Variants in CDH19 observed in about 807,000 individuals in gnomAD.
The protein encoded by CDH19 is cadherin 19, also known as cadherin-19.
CDH19 carries 67 observed loss-of-function variants against 64.2 expected under a neutral mutation model. That is an observed-to-expected ratio of 1.04 (90% CI 0.86 to 1.28). CDH19 has a LOEUF of 1.28. Among genes scored for constraint, CDH19 ranks in the 50% most tolerant of loss-of-function variants. The pLI, the probability that CDH19 is intolerant of heterozygous loss-of-function variation, is 0.00. For synonymous variants in CDH19, 346 were observed against 319.3 expected, an observed-to-expected ratio of 1.08 and a Z score of -0.89; for missense variants, 1,030 against 929.0, an observed-to-expected ratio of 1.11 and a Z score of -1.41.
At chr18:66,551,829 A>C (rs1388966060) in intron 4 of CDH19, among the ~76,000 whole-genome samples, 1 of 151,996 alleles carries the variant, frequency 6.6e-6, no homozygotes, top group Admixed American at 6.6e-5. Flanking sequence ...AAATTCTATA[A>C]AATTATTTAA....
rs201628962 is a variant in CDH19, at chr18:66,524,536, T to TTGTG, written c.1458+5305_1458+5308dup. On this transcript the variant is annotated intron_variant, in intron 9 of 11. Transcript: ENST00000262150. ...CATTTCACAATATATGCGTGTATGT[T>TTGTG]TGTGTGTATATATATATATATATAT... Among the ~76,000 whole-genome samples, 230 of 82,290 alleles carry TTGTG rather than the reference T, an allele frequency of 2.8e-3. 3 individuals carry two copies. The highest frequency in any genetic ancestry group is 9.4e-3 in the South Asian group (20 of 2,130). The allele number at this position is 82,290 out of a possible 152,430, so 54.0% of individuals were successfully genotyped here. A position where few individuals can be genotyped will look rare whatever the true frequency, so the allele number is the denominator to read the frequency against.
At chr18:66,588,618 A>C (rs1417120129) in intron 1 of CDH19, among the ~76,000 whole-genome samples, 5 of 133,596 alleles carry the variant, frequency 3.7e-5, no homozygotes, top group African/African-American at 1.3e-4. Context: ...ATATATCTAT[A>C]TCTATATCTA....
chr18:66,561,485 T>A (rs942039213), intron 3 of CDH19, among the ~76,000 whole-genome samples: 1 of 152,234 alleles, frequency 6.6e-6, no homozygotes, highest in Admixed American at 6.6e-5. Context: ...CACCATCCAG[T>A]AAGCAGAATT....
At chr18:66,510,525 T>G (rs528750582) in intron 10 of CDH19, among the ~76,000 whole-genome samples, 5 of 147,182 alleles carry the variant, frequency 3.4e-5, no homozygotes, top group Admixed American at 6.9e-5. Flanking sequence ...AATATAATTT[T>G]TAACTTAGAG....
In CDH19 at chr18:66,543,972, T is replaced by C. The variant is rs756841993; in HGVS notation, c.1213A>G (p.Arg405Gly). The change falls in exon 7 of 12, where the codon AGG (arginine) becomes GGG (glycine). Residue 405 changes from arginine (R) to glycine (G), a missense_variant and splice_region_variant. Physicochemically the swap from Arg to Gly is moderately radical, Grantham distance 125. Transcript: ENST00000262150. ...TDPDNRKSPI[R>G]YSITRSKVFN... Reference sequence around the variant, plus strand: ...GCAAAACTGACCTTACAGACATACCTGATAGGAGATTTCCTATTGTCTGGG... The same window carrying C: ...GCAAAACTGACCTTACAGACATACCCGATAGGAGATTTCCTATTGTCTGGG... The C allele has an allele frequency of 1.2e-6, 2 of 1,607,152 alleles. No individual in the cohort carries two copies. Among genetic ancestry groups the C allele is most frequent in the Admixed American group, 3.4e-5 (2 of 59,622 alleles).
At chr18:66,544,496 A>C (rs1415960441) in intron 6 of CDH19, among the ~76,000 whole-genome samples, 1 of 151,854 alleles carries the variant, frequency 6.6e-6, no homozygotes, top group African/African-American at 2.4e-5. Flanking sequence ...TATTTAAGAT[A>C]TTTTCCAAAA....
intron 1 of CDH19, among the ~76,000 whole-genome samples, chr18:66,601,019 T>C (rs1989024798): frequency 6.6e-6 from 1 of 151,850 alleles, no homozygotes; most frequent in African/African-American, 2.4e-5. Context: ...AAGAGCAATT[T>C]CAAGCACTGT....
At chr18:66,526,902 C>A (rs1364389334) in intron 9 of CDH19, among the ~76,000 whole-genome samples, 3 of 151,794 alleles carry the variant, frequency 2.0e-5, no homozygotes, top group South Asian at 4.1e-4. Context: ...AGGACTGGCA[C>A]ACCATCTTTT....
chr18:66,549,202 C>T (rs985900811), intron 5 of CDH19, among the ~76,000 whole-genome samples: 2 of 152,012 alleles, frequency 1.3e-5, no homozygotes, highest in Non-Finnish European at 2.9e-5. Context: ...TTTAAATATT[C>T]TAATTTATTC....
At chr18:66,521,760 G>A (rs1232749480) in intron 9 of CDH19, among the ~76,000 whole-genome samples, 5 of 151,708 alleles carry the variant, frequency 3.3e-5, no homozygotes, top group Admixed American at 6.6e-5. Context: ...GTCCAGAAAG[G>A]CTGGTCTTGA....
intron 9 of CDH19, among the ~76,000 whole-genome samples, chr18:66,522,552 T>A (rs1986042336): frequency 6.6e-6 from 1 of 152,132 alleles, no homozygotes; most frequent in Non-Finnish European, 1.5e-5. Flanking sequence ...GCCTGGCCAG[T>A]TATTTGTAAT....
rs1984949481 is a variant in CDH19, at chr18:66,501,696, T to C, written c.*3116A>G. The C allele has an allele frequency of 6.6e-6, 1 of 152,192 alleles. No individual in the cohort carries two copies. The highest frequency in any genetic ancestry group is 6.6e-5 in the Admixed American group (1 of 15,262). 9.4% of individuals were successfully genotyped at this position (152,192 alleles called of 1,614,324 possible). Reference sequence around the variant, plus strand: ...TGTTATTTATTGAGCAGTTATATTTTGTCAGGCACTATTGGTGCTGCTGGT... The same window carrying C: ...TGTTATTTATTGAGCAGTTATATTTCGTCAGGCACTATTGGTGCTGCTGGT... On this transcript the variant is annotated 3_prime_UTR_variant, in exon 12 of 12. Coordinates refer to ENST00000262150, the MANE Select transcript of CDH19 (RefSeq NM_021153.4).
At chr18:66,539,812 G>A (rs1986818414) in intron 7 of CDH19, among the ~76,000 whole-genome samples, 1 of 151,700 alleles carries the variant, frequency 6.6e-6, no homozygotes, top group African/African-American at 2.4e-5. Flanking sequence ...CTGACTTTTT[G>A]GTGGTATATA....
At chr18:66,596,054 A>C (rs969908272) in intron 1 of CDH19, 7 of 152,164 alleles carry the variant, frequency 4.6e-5, no homozygotes, top group African/African-American at 1.7e-4. Flanking sequence ...CAGAACTAGA[A>C]ACAAAAATCA....
In CDH19 at chr18:66,503,677, G is replaced by C. The variant is rs1985043953; in HGVS notation, c.*1135C>G. The C allele has an allele frequency of 6.6e-6, 1 of 151,580 alleles. No individual in the cohort carries two copies. Among genetic ancestry groups the C allele is most frequent in the African/African-American group, 2.4e-5 (1 of 41,310 alleles). The allele number at this position is 151,580 out of a possible 1,614,324, so 9.4% of individuals were successfully genotyped here. ...GAGTTGCATATGAAAAAAAATCTAT[G>C]ACAAACACCTAAATATATTTTCCTT... On this transcript the variant is annotated 3_prime_UTR_variant, in exon 12 of 12. Coordinates refer to ENST00000262150, the MANE Select transcript of CDH19 (RefSeq NM_021153.4).
At position 66,535,084 on chromosome 18, in the gene CDH19, A is replaced by G; in HGVS notation, c.1238T>C (p.Val413Ala). 6.7e-7 allele frequency: 1 copy of G among 1,493,598 alleles called. No individual in the cohort carries two copies. Among genetic ancestry groups the G allele is most frequent in the Non-Finnish European group, 9.1e-7 (1 of 1,101,100 alleles). 92.5% of individuals were successfully genotyped at this position (1,493,598 alleles called of 1,614,324 possible). The part of the protein sequence containing the change: ...PIRYSITRSK[V>A]FNINDNGTIT... ...TGTACCATTATCATTGATATTGAAC[A>G]CTTTGCTCCTAGTAATAGAATACCT... Residue 413 changes from valine to alanine, a missense_variant, in exon 8 of 12, where the codon GTG (valine) becomes GCG (alanine). Val to Ala is a moderately conservative substitution (Grantham distance 64, BLOSUM62 0). Transcript: ENST00000262150.
chr18:66,585,781 T>A (rs1388830792), intron 1 of CDH19, among the ~76,000 whole-genome samples: 1 of 152,144 alleles, frequency 6.6e-6, no homozygotes, highest in Non-Finnish European at 1.5e-5. Context: ...ATGTTCCACA[T>A]GTATTTTCAA....
intron 1 of CDH19, among the ~76,000 whole-genome samples, chr18:66,584,356 G>T (rs984404549): frequency 6.6e-6 from 1 of 152,026 alleles, no homozygotes; most frequent in East Asian, 1.9e-4. Context: ...TGCTGGTAAG[G>T]TTGAAGGGAA....
intron 2 of CDH19, 41 bp downstream of exon 2, chr18:66,571,969 T>A: frequency 7.2e-7 from 1 of 1,392,786 alleles, no homozygotes; most frequent in Non-Finnish European, 1.0e-6. Context: ...TTTATTTACA[T>A]TGTTGTGCTA....
Sources: allele counts gnomAD v4.1 joint callset (sites outside exome capture counted in the v4.1 genomes callset), GRCh38; gene constraint gnomAD v4.1.1; transcripts MANE v1.5; gene names NCBI Gene and HGNC (gene_info 2026-07-23, HGNC 2026-07-21).